Variants in ANKMY1 observed in about 807,000 individuals in gnomAD.
The protein encoded by ANKMY1 is ankyrin repeat and MYND domain containing 1.
ANKMY1 carries 98 observed loss-of-function variants against 102.0 expected under a neutral mutation model. That is an observed-to-expected ratio of 0.96 (90% CI 0.82 to 1.14). The LOEUF (loss-of-function observed/expected upper bound fraction) is 1.14, where lower values mean the gene tolerates loss of function less well. Ranked by LOEUF, ANKMY1 falls within the 50% of genes most tolerant of loss-of-function variation. ANKMY1 has a pLI of 0.00. For missense variants in ANKMY1, 1,330 were observed against 1,347.6 expected, an observed-to-expected ratio of 0.99 and a Z score of 0.20; for synonymous variants, 582 against 559.9, an observed-to-expected ratio of 1.04 and a Z score of -0.56.
At position 240,509,230 on chromosome 2, in the gene ANKMY1, T is replaced by TGGAA. The variant is rs866466798; in HGVS notation, c.2394+117_2394+118insTTCC. 6.6e-6 allele frequency: 5 copies of TGGAA among 761,554 alleles called. No individual in the cohort carries two copies. The African/African-American group carries it at 6.7e-5, about 10-fold the overall frequency. 47.2% of individuals were successfully genotyped at this position (761,554 alleles called of 1,614,324 possible). A position where few individuals can be genotyped will look rare whatever the true frequency, so the allele number is the denominator to read the frequency against. On this transcript the variant is annotated intron_variant, in intron 12 of 17. Coordinates refer to ENST00000401804, the MANE Select transcript of ANKMY1 (RefSeq NM_001282771.3). ...GTGGATGGGTGGATGGATGAATGGA[T>TGGAA]GGATGGATGGATGGATAAATGGCCA... is the stretch of plus-strand genomic sequence containing the variant.
chr2:240,497,011 ATCT>A (rs2077352328), intron 15 of ANKMY1, among the ~76,000 whole-genome samples: 1 of 152,254 alleles, frequency 6.6e-6, no homozygotes, highest in Non-Finnish European at 1.5e-5. Flanking sequence ...AAGTTTACCA[ATCT>A]TCTTAATATT....
At chr2:240,558,468 G>A (rs980682697), upstream of ANKMY1, 13 of 152,354 alleles carry the variant, frequency 8.5e-5, no homozygotes, top group Non-Finnish European at 1.5e-4. Context: ...GGCTGTCTTG[G>A]ACCCTCCGAG....
chr2:240,526,691 C>T, intron 5 of ANKMY1: 2 of 1,407,666 alleles, frequency 1.4e-6, no homozygotes, highest in South Asian at 1.5e-5. Flanking sequence ...TCTGTCCCGA[C>T]AGGAATGTGC....
At chr2:240,486,130 T>C (rs1369298334) in intron 15 of ANKMY1, among the ~76,000 whole-genome samples, 2 of 152,358 alleles carry the variant, frequency 1.3e-5, no homozygotes, top group Non-Finnish European at 2.9e-5. Context: ...GCTTTGGTTA[T>C]ATCAAAATCA....
chr2:240,526,489 A>G, intron 5 of ANKMY1, 44 bp from the exon 6 acceptor site: 4 of 1,610,316 alleles, frequency 2.5e-6, no homozygotes, highest in Non-Finnish European at 3.4e-6. Flanking sequence ...CAGGTTCTGC[A>G]CCTCCCACGA....
At position 240,520,029 on chromosome 2, in the gene ANKMY1, G is replaced by A; in HGVS notation, c.2004+333C>T. The A allele has an allele frequency of 1.9e-6, 1 of 534,422 alleles. No individual in the cohort carries two copies. Among genetic ancestry groups the A allele is most frequent in the South Asian group, 1.5e-5 (1 of 65,088 alleles). The allele number at this position is 534,422 out of a possible 1,614,324, so 33.1% of individuals were successfully genotyped here. Reference sequence around the variant, plus strand: ...TTGTGATGCTGAGCGTGGGTTGAAAGGAGGCCCGCCTCCTCCTGAATATAA... The same window carrying A: ...TTGTGATGCTGAGCGTGGGTTGAAAAGAGGCCCGCCTCCTCCTGAATATAA... On this transcript the variant is annotated intron_variant, in intron 9 of 17. Coordinates refer to ENST00000401804, the MANE Select transcript of ANKMY1 (RefSeq NM_001282771.3). This position sits in a 1 kb window ranked among gnomAD's most constrained non-coding sequence, Gnocchi z 4.8.
At chr2:240,545,662 T>TA (rs1282005625) in intron 4 of ANKMY1, among the ~76,000 whole-genome samples, 1 of 152,016 alleles carries the variant, frequency 6.6e-6, no homozygotes, top group Non-Finnish European at 1.5e-5. Context: ...GAGAAGTGCT[T>TA]AAAGGAGCTG....
intron 2 of ANKMY1, chr2:240,555,370 C>T: frequency 2.8e-6 from 1 of 363,268 alleles, no homozygotes; most frequent in Non-Finnish European, 5.1e-6. Flanking sequence ...GATCGATGGC[C>T]CTCTGTCCCA....
At chr2:240,549,458 C>T (rs932511202) in intron 4 of ANKMY1, among the ~76,000 whole-genome samples, 9 of 152,156 alleles carry the variant, frequency 5.9e-5, no homozygotes, top group African/African-American at 1.4e-4. Flanking sequence ...GCATGGGCAA[C>T]GACTTCATGT....
chr2:240,510,878 A>G (rs2080039779), intron 11 of ANKMY1, among the ~76,000 whole-genome samples: 1 of 150,088 alleles, frequency 6.7e-6, no homozygotes, highest in Non-Finnish European at 1.5e-5. Context: ...AAGTGTGCGA[A>G]CAGAAAGCCC....
At chr2:240,490,387 T>TA (rs1179882920) in intron 15 of ANKMY1, among the ~76,000 whole-genome samples, 11 of 152,198 alleles carry the variant, frequency 7.2e-5, no homozygotes, top group Admixed American at 7.2e-4. Context: ...TTCTACTTTT[T>TA]TGCTGTAGGC....
At chr2:240,530,280 C>T (rs2085012488) in intron 4 of ANKMY1, among the ~76,000 whole-genome samples, 1 of 146,396 alleles carries the variant, frequency 6.8e-6, no homozygotes, top group Non-Finnish European at 1.5e-5. Context: ...CCACCCAAAT[C>T]CCAACCCACC....
intron 8 of ANKMY1, among the ~76,000 whole-genome samples, chr2:240,521,288 A>T (rs534524185): frequency 3.3e-5 from 5 of 152,232 alleles, no homozygotes; most frequent in South Asian, 2.1e-4. Context: ...AGCAGCCTCC[A>T]GCCCAGTCTC....
At chr2:240,535,012 T>G (rs2086385948) in intron 4 of ANKMY1, among the ~76,000 whole-genome samples, 1 of 152,212 alleles carries the variant, frequency 6.6e-6, no homozygotes, top group African/African-American at 2.4e-5. Flanking sequence ...GGCAAAGGAT[T>G]GCTTGAGCCT....
intron 4 of ANKMY1, among the ~76,000 whole-genome samples, chr2:240,531,443 C>A (rs1418716945): frequency 6.6e-6 from 1 of 152,166 alleles, no homozygotes; most frequent in Non-Finnish European, 1.5e-5. Context: ...CCGTTCTGGG[C>A]AGCTTTATTC....
rs748667442 is a variant in ANKMY1, at chr2:240,529,172, C to T, written c.818G>A (p.Ser273Asn). The change falls in exon 5 of 18, where the codon AGC becomes AAC. Residue 273 changes from serine to asparagine, a missense_variant. Physicochemically the swap from Ser to Asn is conservative, Grantham distance 46 (BLOSUM62 1). Coordinates refer to ENST00000401804, the MANE Select transcript of ANKMY1 (RefSeq NM_001282771.3). This position sits in a 1 kb window ranked among gnomAD's most constrained non-coding sequence, Gnocchi z 4.2. ...GGCGTCCAGCTCTTTGCGGAAAGAG[C>T]TTGTCATGGGCAGGTGGTCACTGTT... is the stretch of plus-strand genomic sequence containing the variant. ...STNSDHLPMT[S>N]SFRKELDARI... The T allele has an allele frequency of 1.9e-6, 3 of 1,614,202 alleles. No homozygotes were observed.
upstream of ANKMY1, chr2:240,560,469 C>G (rs1376538027): frequency 1.5e-6 from 1 of 673,288 alleles, no homozygotes; most frequent in Non-Finnish European, 2.1e-6. Flanking sequence ...GAGGCCCAAA[C>G]CTCCCGCCAT....
intron 12 of ANKMY1, 147 bp downstream of exon 12, chr2:240,509,201 G>T: frequency 4.7e-6 from 3 of 635,184 alleles, no homozygotes; most frequent in Non-Finnish European, 7.9e-6. Context: ...AGATGGGTGG[G>T]TGAGTGGATG....
At chr2:240,521,618 C>T (rs1038838221) in intron 8 of ANKMY1, among the ~76,000 whole-genome samples, 1 of 150,638 alleles carries the variant, frequency 6.6e-6, no homozygotes, top group African/African-American at 2.4e-5. Context: ...CCTGCCTCAG[C>T]CTCCCAAGTA....
Sources: gnomAD v4.1 joint callset for allele counts (sites outside exome capture counted in the v4.1 genomes callset) on GRCh38, gnomAD v4.1.1 for gene constraint, Gnocchi (gnomAD v3.1) non-coding constraint, MANE v1.5 for transcripts, NCBI Gene and HGNC (gene_info 2026-07-23, HGNC 2026-07-21) for gene names.